GIT1: variants seen among roughly 807,000 people sequenced by gnomAD.
The protein encoded by GIT1 is GIT ArfGAP 1.
A neutral mutation model predicts 91.7 loss-of-function variants in GIT1; 14 were observed. The ratio of observed to expected loss-of-function variants is 0.15; its 90% confidence interval spans 0.10 to 0.24. The LOEUF is 0.24. Ranked by LOEUF, GIT1 falls within the 10% of genes least tolerant of loss-of-function variation. The pLI is 1.00. For synonymous variants in GIT1, 414 were observed against 418.2 expected (o/e 0.99, Z 0.12); for missense variants, 717 against 1,024.9 (o/e 0.70, Z 4.10).
At chr17:29,583,880 GCA>G (rs2033490476) in intron 1 of GIT1, 3 of 464,560 alleles carry the variant, frequency 6.5e-6, no homozygotes, top group Non-Finnish European at 1.1e-5. Flanking sequence ...CATTCAGCAG[GCA>G]CAGTTTCCTG....
Position 29,574,921 on chromosome 17 carries a change from G to T in GIT1, c.2074-7C>A, listed in dbSNP as rs769509316. The T allele has an allele frequency of 9.0e-6, 14 of 1,552,850 alleles. No homozygotes were observed. The highest frequency in any genetic ancestry group is 4.8e-5 in the East Asian group (2 of 41,778). ...CTGGCTCCAGGGCTGGCCTCTGGAG[G>T]GGGCAGGAGTGAGGCTGGACCTTGG... On this transcript the variant is annotated splice_polypyrimidine_tract_variant and splice_region_variant and intron_variant, in intron 19 of 19. Coordinates refer to ENST00000225394, the MANE Select transcript of GIT1 (RefSeq NM_014030.4).
In GIT1 at chr17:29,574,005, C is replaced by G. The variant is rs886267576; in HGVS notation, c.*697G>C. The G allele has an allele frequency of 6.6e-6, 1 of 152,522 alleles. No homozygotes were observed. The highest frequency in any genetic ancestry group is 2.4e-5 in the African/African-American group (1 of 41,432). 9.4% of individuals were successfully genotyped at this position (152,522 alleles called of 1,614,324 possible). ...TGGTCCCACTGCTCTGGTCCCCTCACCCCTCAAAACTCCAGATGGACCAGG... is the reference window on the plus strand; with the variant it reads ...TGGTCCCACTGCTCTGGTCCCCTCAGCCCTCAAAACTCCAGATGGACCAGG... On this transcript the variant is annotated 3_prime_UTR_variant, in exon 20 of 20. Coordinates refer to ENST00000225394, the MANE Select transcript of GIT1 (RefSeq NM_014030.4).
chr17:29,582,822 A>C lies in GIT1; in HGVS notation c.300-19T>G. ...GATGGGGCTGCATGGGGCACACAGGAGGAATGGGGAGCATGGTGGGAGAGG... is the reference window on the plus strand; with the variant it reads ...GATGGGGCTGCATGGGGCACACAGGCGGAATGGGGAGCATGGTGGGAGAGG... On this transcript the variant is annotated intron_variant, in intron 3 of 19. Transcript: ENST00000225394. 6.3e-7 allele frequency: 1 copy of C among 1,598,954 alleles called. No homozygotes were observed. Among genetic ancestry groups the C allele is most frequent in the Non-Finnish European group, 8.6e-7 (1 of 1,166,792 alleles).
In GIT1 at chr17:29,575,456, C is replaced by G; in HGVS notation, c.1841G>C (p.Arg614Thr). 2 of 1,607,084 alleles carry G rather than the reference C, an allele frequency of 1.2e-6. No homozygotes were observed. The highest frequency in any genetic ancestry group is 1.7e-6 in the Non-Finnish European group (2 of 1,176,726). Residue 614 changes from arginine to threonine, a missense_variant, in exon 18 of 20, where the codon AGG (arginine) becomes ACG (threonine). By Grantham distance (71) the Arg-to-Thr change is moderately conservative. Around this residue, in one of 3 missense-constraint regions of GIT1, gnomAD observed 134 missense variants for 223.8 expected, o/e 0.60. Coordinates refer to ENST00000225394, the MANE Select transcript of GIT1 (RefSeq NM_014030.4). This position sits in a 1 kb window ranked among gnomAD's most constrained non-coding sequence, Gnocchi z 5.5. Reference protein sequence around the residue: ...GDPLLGLEGKRFLELGKEEDF... With the variant: ...GDPLLGLEGKTFLELGKEEDF... ...TTCCTCTTTGCCCAGCTCTAGAAAC[C>G]TCTTCCCTTCCAGCCTGAGGCCCAG...
chr17:29,583,424 C>T, intron 2 of GIT1, 59 bp downstream of exon 2: 1 of 1,580,026 alleles, frequency 6.3e-7, no homozygotes, highest in African/African-American at 1.3e-5. Flanking sequence ...GGGAAACGCC[C>T]TCATGCTCAG....
chr17:29,578,679 G>T (rs374133259), intron 8 of GIT1, 52 bp downstream of exon 8: 9 of 1,472,030 alleles, frequency 6.1e-6, no homozygotes, highest in African/African-American at 2.8e-5. Context: ...GAGGGTGGGG[G>T]ATCAGAGAGG....
At chr17:29,587,990 C>T (rs1467104379) in intron 1 of GIT1, among the ~76,000 whole-genome samples, 3 of 152,150 alleles carry the variant, frequency 2.0e-5, no homozygotes, top group Non-Finnish European at 2.9e-5. Context: ...CCCCAGGGCC[C>T]TCTAAACCAT....
chr17:29,583,889 C>T (rs1057208719), intron 1 of GIT1: 11 of 457,422 alleles, frequency 2.4e-5, no homozygotes, highest in Non-Finnish European at 4.3e-5. Context: ...GGCACAGTTT[C>T]CTGCCCTGCA....
chr17:29,580,915 A>G (rs1222201877), intron 7 of GIT1: 4 of 207,784 alleles, frequency 1.9e-5, no homozygotes, highest in South Asian at 7.8e-5. Flanking sequence ...CGAGTAGCTG[A>G]GATACAGGCA....
Position 29,581,519 on chromosome 17 carries a change from T to A in GIT1, c.719-139A>T, listed in dbSNP as rs2033394786. ...GGGGAGGGCAGGCCACCCCCAAGAA[T>A]GCTGGGAGCTCGTGGGAGGATGCAG... On this transcript the variant is annotated intron_variant, in intron 6 of 19. Transcript: ENST00000225394. The surrounding 1 kb of genome is among the most constrained non-coding windows in gnomAD (Gnocchi z 4.8). The A allele has an allele frequency of 1.3e-6, 1 of 759,150 alleles. No individual in the cohort carries two copies. The highest frequency in any genetic ancestry group is 2.3e-6 in the Non-Finnish European group (1 of 434,050). 47.0% of individuals were successfully genotyped at this position (759,150 alleles called of 1,614,324 possible). A position where few individuals can be genotyped will look rare whatever the true frequency, so the allele number is the denominator to read the frequency against.
At chr17:29,585,022 G>C (rs1481597446) in intron 1 of GIT1, among the ~76,000 whole-genome samples, 2 of 150,290 alleles carry the variant, frequency 1.3e-5, no homozygotes, top group African/African-American at 4.9e-5. Flanking sequence ...GAGTGCAGCG[G>C]GTTTAGGCTT....
intron 7 of GIT1, among the ~76,000 whole-genome samples, chr17:29,580,368 C>T (rs1044909824): frequency 2.0e-5 from 3 of 152,228 alleles, no homozygotes; most frequent in Non-Finnish European, 4.4e-5. Context: ...ATCTGAGTCG[C>T]CCAGGCCTGG....
Position 29,577,122 on chromosome 17 carries a change from C to T in GIT1, c.1093+14G>A. 6.2e-6 allele frequency: 10 copies of T among 1,612,020 alleles called. No homozygotes were observed. The highest frequency in any genetic ancestry group is 8.5e-6 in the Non-Finnish European group (10 of 1,178,542). On this transcript the variant is annotated intron_variant, in intron 11 of 19. Coordinates refer to ENST00000225394, the MANE Select transcript of GIT1 (RefSeq NM_014030.4). ...CCCGCCTGCTTCCCACACCCTCCCA[C>T]ACAACCCTCCCACCTGTGGGGCTGC...
At chr17:29,587,806 G>T (rs776642593) in intron 1 of GIT1, among the ~76,000 whole-genome samples, 7 of 152,140 alleles carry the variant, frequency 4.6e-5, no homozygotes, top group Non-Finnish European at 7.3e-5. Flanking sequence ...AGACTCCCCC[G>T]ATTGGGCGCC....
chr17:29,587,396 C>A (rs1276165666), intron 1 of GIT1, among the ~76,000 whole-genome samples: 1 of 152,166 alleles, frequency 6.6e-6, no homozygotes, highest in Non-Finnish European at 1.5e-5. Context: ...ATCCTCCCCA[C>A]CCCACCATCC....
Position 29,582,781 on chromosome 17 carries a change from T to C in GIT1, c.322A>G (p.Arg108Gly). ...AATGCCAGCATCTGGTACTTGGCCC[T>C]GATGAACTCTGACTTGATGGGGCTG... ...KVHPIKSEFI[R>G]AKYQMLAFVH... is the part of the protein sequence containing the mutation. Residue 108 changes from arginine to glycine, a missense_variant, in exon 4 of 20, where the codon AGG (arginine) becomes GGG (glycine). By Grantham distance (125) the Arg-to-Gly change is moderately radical. Transcript: ENST00000225394. 2 of 1,613,384 alleles carry C rather than the reference T, an allele frequency of 1.2e-6. No homozygotes were observed. The highest frequency in any genetic ancestry group is 4.5e-5 in the East Asian group (2 of 44,882).
chr17:29,579,485 C>A (rs1406303525), intron 7 of GIT1, among the ~76,000 whole-genome samples: 2 of 152,206 alleles, frequency 1.3e-5, no homozygotes, highest in African/African-American at 4.8e-5. Flanking sequence ...GTGGCTCACA[C>A]CTGTAATCCT....
intron 1 of GIT1, among the ~76,000 whole-genome samples, chr17:29,586,628 G>A (rs938050843): frequency 3.3e-5 from 5 of 152,182 alleles, no homozygotes; most frequent in African/African-American, 4.8e-5. Flanking sequence ...AGCTTGTCCC[G>A]TAACATGTCC....
At position 29,576,404 on chromosome 17, in the gene GIT1, C is replaced by G; in HGVS notation, c.1427G>C (p.Gly476Ala). 6.2e-7 allele frequency: 1 copy of G among 1,613,288 alleles called. No homozygotes were observed. The highest frequency in any genetic ancestry group is 8.5e-7 in the Non-Finnish European group (1 of 1,179,882). Reference protein sequence around the residue: ...AENLQLRQPPGPVPTPPLPSE... With the variant: ...AENLQLRQPPAPVPTPPLPSE... ...GGGGAGTGGAGGTGTGGGCACCGGC[C>G]CTGGAGGCTGCCGGAGCTGCAGGTT... Residue 476 changes from glycine (G) to alanine (A), a missense_variant, in exon 14 of 20, where the codon GGG becomes GCG. By Grantham distance (60) the Gly-to-Ala change is moderately conservative. Around this residue, in one of 3 missense-constraint regions of GIT1, gnomAD observed 312 missense variants for 349.5 expected, o/e 0.89. Coordinates refer to ENST00000225394, the MANE Select transcript of GIT1 (RefSeq NM_014030.4).
Sources: gnomAD v4.1 joint callset for allele counts (sites outside exome capture counted in the v4.1 genomes callset) on GRCh38, gnomAD v4.1.1 for gene constraint, gnomAD v4.1.1 regional missense constraint, Gnocchi (gnomAD v3.1) non-coding constraint, MANE v1.5 for transcripts, NCBI Gene and HGNC (gene_info 2026-07-23, HGNC 2026-07-21) for gene names.